The following ADORA2A variants were observed in gnomAD, a reference collection of about 807,000 sequenced individuals.
ADORA2A encodes the protein adenosine A2a receptor.
Under a neutral mutation model 18.4 loss-of-function variants are expected in ADORA2A, and 11 were observed. That is an observed-to-expected ratio of 0.60 (90% confidence interval 0.38 to 0.99). The LOEUF is 0.99. Among genes scored for constraint, ADORA2A ranks in the 50% least tolerant of loss-of-function variants. ADORA2A has a pLI of 0.01. For missense variants in ADORA2A, 449 were observed against 556.1 expected (o/e 0.81, Z 1.94); for synonymous variants, 218 against 237.3 (o/e 0.92, Z 0.75).
chr22:24,436,860 A>C (rs2146906949), intron 2 of ADORA2A, among the ~76,000 whole-genome samples: 1 of 152,222 alleles, frequency 6.6e-6, no homozygotes, highest in Admixed American at 6.5e-5. Flanking sequence ...AAAGCCTGGG[A>C]CAAGACCCTG....
chr22:24,430,978 G>A (rs1431265739), intron 1 of ADORA2A: 1 of 375,910 alleles, frequency 2.7e-6, no homozygotes, highest in Non-Finnish European at 5.4e-6. Context: ...GGCAGCCCGG[G>A]GCCAGCACCA....
chr22:24,433,347 ATGG>A lies in ADORA2A; in HGVS notation c.-57_-55del. On this transcript the variant is annotated 5_prime_UTR_variant, in exon 2 of 3. An upstream start codon of the reference 5' UTR is lost. Coordinates refer to ENST00000337539, the MANE Select transcript of ADORA2A (RefSeq NM_000675.6). ...CCAGGCGGGCGGCTGGGCTGCAGCAATGGACCGTGAGCTGGCCCAGCCCGCGTC... is the reference window on the plus strand; with the variant it reads ...CCAGGCGGGCGGCTGGGCTGCAGCAAACCGTGAGCTGGCCCAGCCCGCGTC... 6.7e-7 allele frequency: 1 copy of A among 1,497,318 alleles called. No homozygotes were observed. Among genetic ancestry groups the A allele is most frequent in the South Asian group, 1.2e-5 (1 of 82,674 alleles). 92.8% of individuals were successfully genotyped at this position (1,497,318 alleles called of 1,614,324 possible). A position where few individuals can be genotyped will look rare whatever the true frequency, so the allele number is the denominator to read the frequency against.
chr22:24,431,464 T>G, intron 1 of ADORA2A: 1 of 456,754 alleles, frequency 2.2e-6, no homozygotes, highest in Non-Finnish European at 4.4e-6. Flanking sequence ...CTCTGTCACA[T>G]GGACAATGGG....
intron 1 of ADORA2A, among the ~76,000 whole-genome samples, chr22:24,429,044 G>C (rs753131977): frequency 1.1e-4 from 16 of 152,276 alleles, no homozygotes; most frequent in Non-Finnish European, 8.8e-5. Context: ...ACTGTGTCCT[G>C]TATGTTGCTC....
At chr22:24,426,650 A>G (rs2042921578), upstream of ADORA2A, among the ~76,000 whole-genome samples, 1 of 152,110 alleles carries the variant, frequency 6.6e-6, no homozygotes, top group Non-Finnish European at 1.5e-5. Context: ...GGGAAGAGGC[A>G]GTTTCATGGC....
At chr22:24,431,433 G>A (rs1298507077) in intron 1 of ADORA2A, 1 of 456,714 alleles carries the variant, frequency 2.2e-6, no homozygotes, top group Non-Finnish European at 4.4e-6. Context: ...TGGAGGGAAA[G>A]TTGGGGTCTG....
At chr22:24,428,309 A>G (rs2042950334) in intron 1 of ADORA2A, among the ~76,000 whole-genome samples, 1 of 152,114 alleles carries the variant, frequency 6.6e-6, no homozygotes, top group South Asian at 2.1e-4. Flanking sequence ...AGTCCACCCC[A>G]TGCCTCTCAA....
intron 2 of ADORA2A, among the ~76,000 whole-genome samples, chr22:24,438,056 G>A (rs2043223275): frequency 6.6e-6 from 1 of 152,256 alleles, no homozygotes; most frequent in African/African-American, 2.4e-5. Context: ...GCTTGGCTCT[G>A]CTCTGTTGCC....
chr22:24,430,810 A>T (rs1713694745), intron 1 of ADORA2A: 1 of 322,136 alleles, frequency 3.1e-6, no homozygotes, highest in African/African-American at 2.2e-5. Flanking sequence ...TTCAATGCAG[A>T]TGCCCTAGAG....
At chr22:24,436,084 T>G (rs2043168897) in intron 2 of ADORA2A, among the ~76,000 whole-genome samples, 1 of 152,184 alleles carries the variant, frequency 6.6e-6, no homozygotes, top group South Asian at 2.1e-4. Context: ...CATACGAGTG[T>G]CTCCTGATGT....
chr22:24,440,166 T>C (rs932458566), intron 2 of ADORA2A, among the ~76,000 whole-genome samples: 3 of 152,158 alleles, frequency 2.0e-5, no homozygotes, highest in African/African-American at 7.2e-5. Context: ...AGGTGACTGA[T>C]CTTGGTTAAG....
chr22:24,432,298 C>T (rs897908912), intron 1 of ADORA2A: 1 of 152,614 alleles, frequency 6.6e-6, no homozygotes, highest in East Asian at 1.9e-4. Flanking sequence ...AGGCAGCTCC[C>T]CACATCCTTC....
At chr22:24,424,017 G>C (rs926936307), upstream of ADORA2A, 1 of 153,370 alleles carries the variant, frequency 6.5e-6, no homozygotes, top group African/African-American at 2.4e-5. The surrounding 1 kb of genome is among the most constrained non-coding windows in gnomAD (Gnocchi z 4.9). Flanking sequence ...GGGGTGCGGG[G>C]TGCCGGGGGT....
In ADORA2A at chr22:24,433,460, T is replaced by C. The variant is rs1281490879; in HGVS notation, c.56T>C (p.Leu19Pro). The change falls in exon 2 of 3, where the codon CTG (leucine) becomes CCG (proline). Residue 19 changes from leucine (L) to proline (P), a missense_variant. Physicochemically the swap from Leu to Pro is moderately conservative, Grantham distance 98. Coordinates refer to ENST00000337539, the MANE Select transcript of ADORA2A (RefSeq NM_000675.6). ...YITVELAIAVLAILGNVLVCW... is the reference protein window; with the variant it reads ...YITVELAIAVPAILGNVLVCW... Reference sequence around the variant, plus strand: ...ACGGTGGAGCTGGCCATTGCTGTGCTGGCCATCCTGGGCAATGTGCTGGTG... The same window carrying C: ...ACGGTGGAGCTGGCCATTGCTGTGCCGGCCATCCTGGGCAATGTGCTGGTG... 6.2e-7 allele frequency: 1 copy of C among 1,613,380 alleles called. No individual in the cohort carries two copies. The highest frequency in any genetic ancestry group is 8.5e-7 in the Non-Finnish European group (1 of 1,179,778).
chr22:24,432,661 G>A (rs2043070298), intron 1 of ADORA2A: 1 of 152,642 alleles, frequency 6.6e-6, no homozygotes, highest in Non-Finnish European at 1.5e-5. Context: ...CCTGAGTCCA[G>A]AGTGGGAGGC....
intron 2 of ADORA2A, among the ~76,000 whole-genome samples, chr22:24,436,803 G>A (rs1443720553): frequency 6.6e-6 from 1 of 152,170 alleles, no homozygotes; most frequent in East Asian, 1.9e-4. Flanking sequence ...CGGGCAGGCA[G>A]GGTCTCACTG....
upstream of ADORA2A, among the ~76,000 whole-genome samples, chr22:24,426,155 G>T (rs917118926): frequency 2.6e-5 from 4 of 152,156 alleles, no homozygotes; most frequent in Non-Finnish European, 4.4e-5. Context: ...CACAGCCCCT[G>T]GTGGCTCTCA....
chr22:24,437,520 C>T (rs1235207047), intron 2 of ADORA2A, among the ~76,000 whole-genome samples: 2 of 152,026 alleles, frequency 1.3e-5, no homozygotes, highest in Non-Finnish European at 2.9e-5. Context: ...TTTGAATAAA[C>T]TTAGTCTATT....
At chr22:24,424,257 T>C (rs1441939045), upstream of ADORA2A, 1 of 151,704 alleles carries the variant, frequency 6.6e-6, no homozygotes, top group African/African-American at 2.4e-5. This position sits in a 1 kb window ranked among gnomAD's most constrained non-coding sequence, Gnocchi z 4.9. Flanking sequence ...CCCTCCGAGC[T>C]GTCCCAAACT....
Sources: gnomAD v4.1 joint callset for allele counts (sites outside exome capture counted in the v4.1 genomes callset) on GRCh38, gnomAD v4.1.1 for gene constraint, Gnocchi (gnomAD v3.1) non-coding constraint, MANE v1.5 for transcripts, NCBI Gene and HGNC (gene_info 2026-07-23, HGNC 2026-07-21) for gene names.